Variants in FERMT2 observed in about 807,000 individuals in gnomAD.
FERMT2 encodes the protein FERM domain containing kindlin 2.
In FERMT2, 15 loss-of-function variants were observed where a neutral mutation model predicts 82.7. The observed-to-expected ratio is 0.18, with a 90% CI of 0.12 to 0.28. FERMT2 has a LOEUF of 0.28. Ranked by LOEUF, FERMT2 falls within the 10% of genes least tolerant of loss-of-function variation. The pLI, the probability that FERMT2 is intolerant of heterozygous loss-of-function variation, is 1.00. For synonymous variants in FERMT2, 274 were observed against 271.5 expected, an observed-to-expected ratio of 1.01 and a Z score of -0.09; for missense variants, 645 against 809.4, an observed-to-expected ratio of 0.80 and a Z score of 2.46.
intron 2 of FERMT2, among the ~76,000 whole-genome samples, chr14:52,935,031 T>C (rs1189204019): frequency 6.6e-6 from 1 of 152,240 alleles, no homozygotes; most frequent in Non-Finnish European, 1.5e-5. Context: ...TTTTGTACTT[T>C]ATGCAGTTAC....
intron 2 of FERMT2, among the ~76,000 whole-genome samples, chr14:52,949,955 C>T (rs151120609): frequency 3.9e-5 from 6 of 152,306 alleles, no homozygotes; most frequent in African/African-American, 1.4e-4. Flanking sequence ...CCAGTAGTTG[C>T]ACATTTTCCA....
intron 4 of FERMT2, among the ~76,000 whole-genome samples, chr14:52,887,432 G>C (rs757623781): frequency 1.3e-5 from 2 of 151,944 alleles, no homozygotes; most frequent in Admixed American, 6.6e-5. Flanking sequence ...AGGATCACTT[G>C]AGCCCAGAAG....
At chr14:52,902,623 C>T (rs569072432) in intron 3 of FERMT2, among the ~76,000 whole-genome samples, 1 of 151,712 alleles carries the variant, frequency 6.6e-6, no homozygotes, top group South Asian at 2.1e-4. Flanking sequence ...AATCCCAGCA[C>T]TTTGGGAGGC....
chr14:52,950,816 G>C (rs554179071), intron 1 of FERMT2, 105 bp downstream of exon 1: 13 of 379,350 alleles, frequency 3.4e-5, no homozygotes, highest in African/African-American at 2.7e-4. Flanking sequence ...AGCGGACCGC[G>C]GAGGGCTTCA....
intron 2 of FERMT2, among the ~76,000 whole-genome samples, chr14:52,948,302 T>C (rs1316295920): frequency 6.6e-6 from 1 of 152,242 alleles, no homozygotes; most frequent in African/African-American, 2.4e-5. Flanking sequence ...CAAAGTTCTT[T>C]TCTAATTTGA....
Position 52,857,516 on chromosome 14 carries a change from T to C in FERMT2, c.*861A>G, listed in dbSNP as rs1884644127. 6.6e-6 allele frequency: 1 copy of C among 152,622 alleles called. No homozygotes were observed. Among genetic ancestry groups the C allele is most frequent in the South Asian group, 2.1e-4 (1 of 4,836 alleles). 9.5% of individuals were successfully genotyped at this position (152,622 alleles called of 1,614,324 possible). ...TGATCATAATGAAGTCATTCTTAAT[T>C]TAGTAGATATTAAAACTGCACGTTA... On this transcript the variant is annotated 3_prime_UTR_variant, in exon 15 of 15. Coordinates refer to ENST00000341590, the MANE Select transcript of FERMT2 (RefSeq NM_006832.3).
intron 10 of FERMT2, among the ~76,000 whole-genome samples, chr14:52,868,416 T>C (rs1364620793): frequency 6.6e-6 from 1 of 152,080 alleles, no homozygotes; most frequent in Non-Finnish European, 1.5e-5. Context: ...CCCTTGCTCT[T>C]TTCCTTTCCT....
intron 4 of FERMT2, among the ~76,000 whole-genome samples, chr14:52,886,300 A>T (rs564947633): frequency 3.4e-5 from 5 of 148,538 alleles, no homozygotes; most frequent in East Asian, 2.0e-4. Context: ...AGACAGACAG[A>T]GTGTGTGTGA....
chr14:52,938,737 T>C (rs1254420882), intron 2 of FERMT2, among the ~76,000 whole-genome samples: 1 of 152,102 alleles, frequency 6.6e-6, no homozygotes, highest in Non-Finnish European at 1.5e-5. Flanking sequence ...CAGCTAATTT[T>C]TGTATTTTTA....
chr14:52,926,028 A>G (rs953004988), intron 2 of FERMT2, among the ~76,000 whole-genome samples: 3 of 152,226 alleles, frequency 2.0e-5, no homozygotes, highest in African/African-American at 7.2e-5. Flanking sequence ...AAATCATAAC[A>G]GACTATGCAA....
intron 2 of FERMT2, among the ~76,000 whole-genome samples, chr14:52,950,046 T>C (rs1031650998): frequency 5.9e-5 from 9 of 152,204 alleles, no homozygotes; most frequent in African/African-American, 1.9e-4. Flanking sequence ...AAGACATAGA[T>C]AACCACGGAC....
intron 6 of FERMT2, among the ~76,000 whole-genome samples, chr14:52,878,924 G>C (rs3736914): frequency 8.7e-4 from 132 of 152,280 alleles, no homozygotes; most frequent in East Asian, 1.5e-3. Context: ...AAATATGACA[G>C]AGAATAATTG....
chr14:52,890,164 G>A (rs1042579684), intron 4 of FERMT2, among the ~76,000 whole-genome samples: 2 of 151,578 alleles, frequency 1.3e-5, no homozygotes, highest in East Asian at 3.9e-4. Context: ...TGGGTGCGGT[G>A]GCTCACGCCT....
At chr14:52,888,259 G>A (rs1022367269) in intron 4 of FERMT2, among the ~76,000 whole-genome samples, 12 of 152,052 alleles carry the variant, frequency 7.9e-5, no homozygotes, top group African/African-American at 2.4e-4. Context: ...TTTAAAATAC[G>A]GATTAGTATT....
At chr14:52,889,585 C>T (rs949424737) in intron 4 of FERMT2, among the ~76,000 whole-genome samples, 1 of 152,188 alleles carries the variant, frequency 6.6e-6, no homozygotes, top group Admixed American at 6.5e-5. Context: ...CACCTACTAA[C>T]AATAGGGATA....
rs576727181 is a variant in FERMT2 at position 52,933,509 on chromosome 14, G to A, written c.158-14153C>T. Among the ~76,000 whole-genome samples, 4 of 151,842 alleles carry A rather than the reference G, an allele frequency of 2.6e-5. No individual in the cohort carries two copies. In the East Asian group the frequency reaches 5.8e-4, roughly 22 times the overall value. ...GGGAATCACCTAAGGTCGGGAGTTC[G>A]AGACCAGCCTGACCAACATGGAGAA... On this transcript the variant is annotated intron_variant, in intron 2 of 14. Coordinates refer to ENST00000341590, the MANE Select transcript of FERMT2 (RefSeq NM_006832.3).
chr14:52,859,396 TG>T, intron 14 of FERMT2, 176 bp downstream of exon 14: 2 of 546,626 alleles, frequency 3.7e-6, no homozygotes, highest in Non-Finnish European at 5.8e-6. Flanking sequence ...TTTTAGTAAC[TG>T]GGCTAATTAT....
chr14:52,878,292 GAGC>G (rs1337049947), intron 7 of FERMT2, among the ~76,000 whole-genome samples: 4 of 152,084 alleles, frequency 2.6e-5, no homozygotes, highest in African/African-American at 9.7e-5. Context: ...GAGGAGCTTT[GAGC>G]AGATTTATAT....
At chr14:52,860,061 C>A (rs1429603996) in intron 13 of FERMT2, 1 of 315,454 alleles carries the variant, frequency 3.2e-6, no homozygotes, top group Non-Finnish European at 5.8e-6. Flanking sequence ...TCGTGATCCA[C>A]CCACCTCGGC....
Sources: gnomAD v4.1 joint callset for allele counts (sites outside exome capture counted in the v4.1 genomes callset) on GRCh38, gnomAD v4.1.1 for gene constraint, MANE v1.5 for transcripts, NCBI Gene and HGNC (gene_info 2026-07-23, HGNC 2026-07-21) for gene names.